PCGF5: variants seen among roughly 807,000 people sequenced by gnomAD.
PCGF5 encodes polycomb group RING finger protein 5.
PCGF5 carries 9 observed loss-of-function variants against 44.3 expected under a neutral mutation model. That is an observed-to-expected ratio of 0.20 (90% CI 0.12 to 0.35). The LOEUF (loss-of-function observed/expected upper bound fraction) is 0.35. Among genes scored for constraint, PCGF5 ranks in the 10% least tolerant of loss-of-function variants. PCGF5 has a pLI of 1.00. For missense variants in PCGF5, 146 were observed against 305.3 expected (o/e 0.48, Z 3.89); for synonymous variants, 95 against 102.5 (o/e 0.93, Z 0.44).
chr10:91,273,103 T>TAA (rs1376028747), intron 9 of PCGF5, among the ~76,000 whole-genome samples: 3 of 152,262 alleles, frequency 2.0e-5, no homozygotes, highest in Non-Finnish European at 2.9e-5. Flanking sequence ...CATACTCTTT[T>TAA]AAGTCCTAGC....
At chr10:91,224,399 G>A (rs1844761446) in intron 2 of PCGF5, among the ~76,000 whole-genome samples, 1 of 152,142 alleles carries the variant, frequency 6.6e-6, no homozygotes. Context: ...AGTACTTTGT[G>A]TGTCAGGCAC....
chr10:91,282,429 A>C lies in PCGF5; in HGVS notation c.*4113A>C, dbSNP rs960659479. 2.0e-5 allele frequency: 3 copies of C among 152,652 alleles called. No homozygotes were observed. The highest frequency in any genetic ancestry group is 4.8e-5 in the African/African-American group (2 of 41,468). The allele number at this position is 152,652 out of a possible 1,614,324, so 9.5% of individuals were successfully genotyped here. A position where few individuals can be genotyped will look rare whatever the true frequency, so the allele number is the denominator to read the frequency against. On this transcript the variant is annotated 3_prime_UTR_variant, in exon 10 of 10. Coordinates refer to ENST00000336126, the MANE Select transcript of PCGF5 (RefSeq NM_032373.5). ...AACCCAGGAGGTGGAGGTTGCAGTG[A>C]GCCGCAATTACACCACTGCACTCCA...
intron 1 of PCGF5, among the ~76,000 whole-genome samples, chr10:91,170,259 A>G (rs1843580382): frequency 6.6e-6 from 1 of 152,256 alleles, no homozygotes. Flanking sequence ...CCATGAAAGA[A>G]TTGATAAGCT....
At chr10:91,200,793 G>A (rs1456055420) in intron 1 of PCGF5, among the ~76,000 whole-genome samples, 3 of 152,086 alleles carry the variant, frequency 2.0e-5, no homozygotes, top group Non-Finnish European at 4.4e-5. Context: ...TCCTGTATAC[G>A]GTGGGGCCAA....
At chr10:91,166,252 G>A (rs1191480984) in intron 1 of PCGF5, among the ~76,000 whole-genome samples, 4 of 152,206 alleles carry the variant, frequency 2.6e-5, no homozygotes, top group African/African-American at 9.7e-5. Context: ...TTAGTTGATT[G>A]TCTGCCTTTT....
chr10:91,188,352 T>C (rs1401949119), intron 1 of PCGF5, among the ~76,000 whole-genome samples: 1 of 152,234 alleles, frequency 6.6e-6, no homozygotes, highest in East Asian at 1.9e-4. Context: ...TGGATGATTC[T>C]ATTGGCTCTA....
At chr10:91,204,622 A>G (rs942660370) in intron 1 of PCGF5, among the ~76,000 whole-genome samples, 5 of 152,228 alleles carry the variant, frequency 3.3e-5, no homozygotes, top group Non-Finnish European at 7.3e-5. Context: ...TTGGAAGATG[A>G]TAAACATGAG....
chr10:91,251,251 C>A, intron 5 of PCGF5, 41 bp from the exon 6 acceptor site: 1 of 1,511,540 alleles, frequency 6.6e-7, no homozygotes, highest in Admixed American at 1.9e-5. Context: ...TTAAAATCAA[C>A]TTTGATTTAT....
intron 2 of PCGF5, among the ~76,000 whole-genome samples, chr10:91,235,708 TA>T (rs1436340968): frequency 6.6e-6 from 1 of 152,156 alleles, no homozygotes; most frequent in Non-Finnish European, 1.5e-5. Flanking sequence ...GTTTTCTCAA[TA>T]GTGAATAAGT....
chr10:91,170,108 C>T (rs1175814886), intron 1 of PCGF5, among the ~76,000 whole-genome samples: 1 of 152,208 alleles, frequency 6.6e-6, no homozygotes, highest in Non-Finnish European at 1.5e-5. Context: ...ACACAGACTT[C>T]ACCCGTGTCC....
intron 2 of PCGF5, among the ~76,000 whole-genome samples, chr10:91,234,520 G>A (rs757279311): frequency 2.0e-5 from 3 of 152,250 alleles, no homozygotes; most frequent in African/African-American, 7.2e-5. Flanking sequence ...TAGAAATGGC[G>A]GCAGGGAATT....
At chr10:91,211,282 G>T (rs1400683989) in intron 1 of PCGF5, among the ~76,000 whole-genome samples, 1 of 152,176 alleles carries the variant, frequency 6.6e-6, no homozygotes, top group African/African-American at 2.4e-5. Context: ...ATTAGCTGGG[G>T]GGATTAGTTG....
intron 1 of PCGF5, among the ~76,000 whole-genome samples, chr10:91,212,866 T>C (rs183395469): frequency 1.3e-4 from 20 of 152,350 alleles, no homozygotes; most frequent in Admixed American, 1.2e-3. Context: ...ATGTCTCCTC[T>C]CTTTGTAAAG....
At chr10:91,214,684 C>T (rs932358676) in intron 1 of PCGF5, among the ~76,000 whole-genome samples, 3 of 152,096 alleles carry the variant, frequency 2.0e-5, no homozygotes, top group Non-Finnish European at 4.4e-5. Flanking sequence ...AGGAGCACGA[C>T]AAACAGATGA....
chr10:91,215,767 C>T (rs1844528863), upstream of PCGF5, among the ~76,000 whole-genome samples: 2 of 152,236 alleles, frequency 1.3e-5, no homozygotes, highest in African/African-American at 4.8e-5. Flanking sequence ...TTCTTGTCCA[C>T]CCATAGTGCT....
chr10:91,263,313 G>GGTAA (rs1259861306), intron 7 of PCGF5, among the ~76,000 whole-genome samples: 9 of 143,994 alleles, frequency 6.3e-5, no homozygotes, highest in Non-Finnish European at 1.2e-4. Flanking sequence ...TTACAAAAAA[G>GGTAA]ATAAAAATGA....
In PCGF5 at chr10:91,283,542, C is replaced by G. The variant is rs1374863337; in HGVS notation, c.*5226C>G. On this transcript the variant is annotated 3_prime_UTR_variant, in exon 10 of 10. Transcript: ENST00000336126. Reference sequence around the variant, plus strand: ...AGAGATAGTCAACAAATTTATTTATCCATCCTCTGCACATCAGTCCACTGG... The same window carrying G: ...AGAGATAGTCAACAAATTTATTTATGCATCCTCTGCACATCAGTCCACTGG... 1 of 152,120 alleles carries G rather than the reference C, an allele frequency of 6.6e-6. No individual in the cohort carries two copies. Among genetic ancestry groups the G allele is most frequent in the East Asian group, 1.9e-4 (1 of 5,192 alleles). The allele number at this position is 152,120 out of a possible 1,614,324, so 9.4% of individuals were successfully genotyped here.
At chr10:91,179,053 C>A (rs1182206977) in intron 1 of PCGF5, among the ~76,000 whole-genome samples, 2 of 152,212 alleles carry the variant, frequency 1.3e-5, no homozygotes, top group African/African-American at 2.4e-5. Flanking sequence ...TAAAAGCTTG[C>A]TAGCTGCTTC....
At chr10:91,259,864 A>G (rs1489481739) in intron 6 of PCGF5, among the ~76,000 whole-genome samples, 2 of 152,292 alleles carry the variant, frequency 1.3e-5, no homozygotes, top group East Asian at 3.9e-4. Context: ...TAAAAACCCT[A>G]GAAGAAAACC....
Sources: gnomAD v4.1 joint callset for allele counts (sites outside exome capture counted in the v4.1 genomes callset) on GRCh38, gnomAD v4.1.1 for gene constraint, MANE v1.5 for transcripts, NCBI Gene and HGNC (gene_info 2026-07-23, HGNC 2026-07-21) for gene names.